ESRRB: variants seen among roughly 807,000 people sequenced by gnomAD.
The protein encoded by ESRRB is estrogen related receptor beta.
ESRRB carries 16 observed loss-of-function variants against 46.0 expected under a neutral mutation model. The observed-to-expected ratio is 0.35, with a 90% CI of 0.24 to 0.53. The LOEUF is 0.53. Among genes scored for constraint, ESRRB ranks in the 20% least tolerant of loss-of-function variants. The pLI is 0.93. For synonymous variants in ESRRB, 246 were observed against 259.6 expected (o/e 0.95, Z 0.50); for missense variants, 488 against 607.4 (o/e 0.80, Z 2.07).
At chr14:76,485,233 A>ATTTTTTTTTTTTTTT (rs34504939) in intron 5 of ESRRB, among the ~76,000 whole-genome samples, 1 of 91,858 alleles carries the variant, frequency 1.1e-5, no homozygotes, top group Non-Finnish European at 2.1e-5. Context: ...CAAATGCCTG[A>ATTTTTTTTTTTTTTT]TTTTTTTTTT....
intron 1 of ESRRB, among the ~76,000 whole-genome samples, chr14:76,429,290 T>G (rs1354947250): frequency 6.6e-6 from 1 of 152,124 alleles, no homozygotes; most frequent in African/African-American, 2.4e-5. Flanking sequence ...TATCTGAAAG[T>G]CACCAGGGTA....
chr14:76,472,488 T>TC (rs1234418650), intron 3 of ESRRB, among the ~76,000 whole-genome samples: 2 of 152,228 alleles, frequency 1.3e-5, no homozygotes, highest in Non-Finnish European at 2.9e-5. Context: ...AGGCTCTCTC[T>TC]CTTAGCTTTT....
chr14:76,346,886 T>C (rs1884257378), intron 1 of ESRRB, among the ~76,000 whole-genome samples: 1 of 152,228 alleles, frequency 6.6e-6, no homozygotes, highest in Admixed American at 6.5e-5. Context: ...ATAGATTTCC[T>C]GTCAGAGCTC....
At chr14:76,485,763 CAGAA>C (rs1026122187) in intron 5 of ESRRB, among the ~76,000 whole-genome samples, 3 of 152,042 alleles carry the variant, frequency 2.0e-5, no homozygotes, top group Non-Finnish European at 4.4e-5. Context: ...CCTGCACAGA[CAGAA>C]AGAGGGGGAC....
intron 1 of ESRRB, among the ~76,000 whole-genome samples, chr14:76,397,995 C>G (rs1279527543): frequency 6.6e-6 from 1 of 152,206 alleles, no homozygotes; most frequent in Non-Finnish European, 1.5e-5. Context: ...CAGTGGGGAA[C>G]AGAGGATGGG....
intron 5 of ESRRB, among the ~76,000 whole-genome samples, chr14:76,485,384 C>T (rs1037553405): frequency 2.6e-5 from 4 of 151,588 alleles, no homozygotes; most frequent in Admixed American, 6.6e-5. Flanking sequence ...ACTACAGGCA[C>T]GTGCCACCAC....
At chr14:76,411,608 G>A (rs1312180393) in intron 1 of ESRRB, among the ~76,000 whole-genome samples, 2 of 152,174 alleles carry the variant, frequency 1.3e-5, no homozygotes, top group Non-Finnish European at 2.9e-5. Context: ...GACACTGTGT[G>A]TGTTGCAGGA....
chr14:76,363,779 C>A (rs1884491242), intron 1 of ESRRB, among the ~76,000 whole-genome samples: 2 of 152,148 alleles, frequency 1.3e-5, no homozygotes, highest in Admixed American at 1.3e-4. Flanking sequence ...CTCACAAACG[C>A]CCTTTCTTTA....
intron 1 of ESRRB, among the ~76,000 whole-genome samples, chr14:76,326,103 A>C (rs73314688): frequency 0.023 from 3,577 of 152,256 alleles, 152 homozygotes; most frequent in African/African-American, 0.082. Flanking sequence ...TCAGGGACCC[A>C]TGCGTTCTCT....
Position 76,429,634 on chromosome 14 carries a change from C to T in ESRRB, c.51-9707C>T, listed in dbSNP as rs925745473. Among the ~76,000 whole-genome samples, 3 of 152,098 alleles carry T rather than the reference C, an allele frequency of 2.0e-5. No individual in the cohort carries two copies. The East Asian group carries it at 5.8e-4, about 29-fold the overall frequency. On this transcript the variant is annotated intron_variant, in intron 1 of 6. Coordinates refer to ENST00000644823, the MANE Select transcript of ESRRB (RefSeq NM_001379180.1). ...GTGTGGTGGCTCATGCCTGTAATCC[C>T]AGCTACTCAGGAGGCTGAGGCAAGA...
At chr14:76,374,082 A>C (rs1441266377), upstream of ESRRB, among the ~76,000 whole-genome samples, 1 of 152,168 alleles carries the variant, frequency 6.6e-6, no homozygotes, top group East Asian at 1.9e-4. Context: ...CTTCCTGGGC[A>C]GCGGCCTGTC....
chr14:76,362,012 C>G (rs888316100), intron 1 of ESRRB, among the ~76,000 whole-genome samples: 1 of 152,180 alleles, frequency 6.6e-6, no homozygotes, highest in East Asian at 1.9e-4. Context: ...TGTGCTCTGC[C>G]CTGAGTCTGG....
At chr14:76,359,967 ATCAGGACTCCACCTC>A (rs1884443620) in intron 1 of ESRRB, among the ~76,000 whole-genome samples, 1 of 152,206 alleles carries the variant, frequency 6.6e-6, no homozygotes, top group Non-Finnish European at 1.5e-5. Flanking sequence ...ATCCAGGATC[ATCAGGACTCCACCTC>A]TCCTTATTTT....
intron 1 of ESRRB, among the ~76,000 whole-genome samples, chr14:76,358,389 AAGAAAGAAAGAAAGAAAGAAAG>A (rs1566859682): frequency 1.9e-5 from 2 of 105,794 alleles, no homozygotes; most frequent in East Asian, 2.2e-4. Flanking sequence ...GAAAGAAAGA[AAGAAAGAAAGAAAGAAAGAAAG>A]AAAAGAAAAG....
At chr14:76,387,293 T>G (rs1185577220) in intron 1 of ESRRB, among the ~76,000 whole-genome samples, 3 of 152,196 alleles carry the variant, frequency 2.0e-5, no homozygotes, top group Admixed American at 2.0e-4. Context: ...CAACCATTGT[T>G]TTAAGCCTGA....
chr14:76,411,073 C>T (rs139928664), intron 1 of ESRRB, among the ~76,000 whole-genome samples: 7 of 152,110 alleles, frequency 4.6e-5, no homozygotes, highest in South Asian at 2.1e-4. Flanking sequence ...CAAGAGCCAC[C>T]GCGCCTGGCC....
In ESRRB at chr14:76,500,756, C is replaced by T. The variant is rs1255679504; in HGVS notation, c.*2298C>T. 3.7e-6 allele frequency: 6 copies of T among 1,611,958 alleles called. No individual in the cohort carries two copies. The highest frequency in any genetic ancestry group is 1.7e-4 in the Middle Eastern group (1 of 6,058). On this transcript the variant is annotated 3_prime_UTR_variant, in exon 7 of 7. Coordinates refer to ENST00000644823, the MANE Select transcript of ESRRB (RefSeq NM_001379180.1). The stretch of plus-strand genomic sequence containing the variant: ...TGGAGCAAGTGGGTGTTCTGCACAC[C>T]AGGCAGCTGCACCTCACTGGATCTA...
rs1566620068 is a variant in ESRRB, at chr14:76,498,670, G to A, written c.*212G>A. 6.2e-6 allele frequency: 9 copies of A among 1,462,174 alleles called. No homozygotes were observed. Among genetic ancestry groups the A allele is most frequent in the Admixed American group, 1.8e-5 (1 of 54,272 alleles). The allele number at this position is 1,462,174 out of a possible 1,614,324, so 90.6% of individuals were successfully genotyped here. ...ATGGGGGGGCAGGGGTGTGGGGCTC[G>A]ACTGTAACTGGCTTTTTCTTTGGTA... On this transcript the variant is annotated 3_prime_UTR_variant, in exon 7 of 7. Transcript: ENST00000644823.
chr14:76,413,302 G>A (rs1886519352), intron 1 of ESRRB, among the ~76,000 whole-genome samples: 2 of 152,202 alleles, frequency 1.3e-5, no homozygotes, highest in South Asian at 2.1e-4. Flanking sequence ...TCTCCTGACA[G>A]ACCCCCACCT....
Sources: gnomAD v4.1 joint callset for allele counts (sites outside exome capture counted in the v4.1 genomes callset) on GRCh38, gnomAD v4.1.1 for gene constraint, MANE v1.5 for transcripts, NCBI Gene and HGNC (gene_info 2026-07-23, HGNC 2026-07-21) for gene names.